Variants in TMEM38B observed in about 807,000 individuals in gnomAD.
The protein encoded by TMEM38B is trimeric intracellular cation channel type B.
Under a neutral mutation model 28.7 loss-of-function variants are expected in TMEM38B, and 24 were observed. That is an observed-to-expected ratio of 0.84 (90% CI 0.61 to 1.18). The LOEUF is 1.18. Ranked by LOEUF, TMEM38B falls within the 50% of genes most tolerant of loss-of-function variation. The pLI is 0.00. For synonymous variants in TMEM38B, 131 were observed against 127.7 expected (o/e 1.03, Z -0.17); for missense variants, 380 against 350.9 (o/e 1.08, Z -0.66).
intron 1 of TMEM38B, among the ~76,000 whole-genome samples, chr9:105,698,696 G>A (rs982860500): frequency 3.9e-5 from 6 of 151,950 alleles, no homozygotes; most frequent in South Asian, 2.1e-4. Flanking sequence ...TTATTTTATT[G>A]TGTGACCCTC....
chr9:105,725,810 G>C (rs1836487595), intron 4 of TMEM38B, among the ~76,000 whole-genome samples: 1 of 152,138 alleles, frequency 6.6e-6, no homozygotes, highest in Non-Finnish European at 1.5e-5. Context: ...TGCTCTCTGT[G>C]AGCCACTGAG....
At chr9:105,714,883 A>G (rs1348815821) in intron 2 of TMEM38B, among the ~76,000 whole-genome samples, 2 of 152,232 alleles carry the variant, frequency 1.3e-5, no homozygotes, top group Non-Finnish European at 2.9e-5. Context: ...TATTGGGTTG[A>G]TCATTATGTC....
chr9:105,772,392 C>G (rs1028432436), intron 5 of TMEM38B, among the ~76,000 whole-genome samples: 2 of 152,182 alleles, frequency 1.3e-5, no homozygotes, highest in Non-Finnish European at 2.9e-5. Flanking sequence ...CTTATCCCCC[C>G]TGGACTTCTG....
chr9:105,747,534 G>A (rs1397952908), intron 4 of TMEM38B, among the ~76,000 whole-genome samples: 11 of 152,110 alleles, frequency 7.2e-5, no homozygotes, highest in Non-Finnish European at 1.5e-4. Flanking sequence ...ACAGCTCCTG[G>A]ATTCATTGAT....
rs144375486 is a variant in TMEM38B, at chr9:105,699,311, T to C, written c.112+4539T>C. ...TATGCATTACTTAATTGGCAACTTT[T>C]TCCTATCCCCCCAGTGATTGATTCT... On this transcript the variant is annotated intron_variant, in intron 1 of 5. Transcript: ENST00000374692. Among the ~76,000 whole-genome samples the C allele has an allele frequency of 1.8e-3, 271 of 152,314 alleles. 1 individual carries two copies. The highest frequency in any genetic ancestry group is 6.2e-3 in the African/African-American group (256 of 41,580).
At chr9:105,702,872 G>A (rs1165932351) in intron 1 of TMEM38B, 2 of 152,002 alleles carry the variant, frequency 1.3e-5, no homozygotes, top group East Asian at 1.9e-4. Context: ...GGAGATGGGA[G>A]TCTTGCTATG....
chr9:105,739,554 G>T (rs183771237), intron 4 of TMEM38B, among the ~76,000 whole-genome samples: 168 of 152,140 alleles, frequency 1.1e-3, no homozygotes, highest in Admixed American at 9.2e-3. Context: ...TAGACAGAGT[G>T]TCACTCTGTC....
At chr9:105,763,511 A>G (rs1468414054) in intron 5 of TMEM38B, among the ~76,000 whole-genome samples, 6 of 152,070 alleles carry the variant, frequency 3.9e-5, no homozygotes. Context: ...CGACACATAC[A>G]CTCTCCCAAG....
At chr9:105,751,924 A>T (rs1447210426) in intron 5 of TMEM38B, among the ~76,000 whole-genome samples, 1 of 152,052 alleles carries the variant, frequency 6.6e-6, no homozygotes, top group Admixed American at 6.5e-5. Flanking sequence ...GAAGGGTTCT[A>T]TTGGGACGTA....
intron 1 of TMEM38B, among the ~76,000 whole-genome samples, chr9:105,702,391 GT>G (rs1835491532): frequency 6.6e-6 from 1 of 152,166 alleles, no homozygotes; most frequent in African/African-American, 2.4e-5. Context: ...AATGTCAACT[GT>G]TTTGAAAATA....
intron 4 of TMEM38B, among the ~76,000 whole-genome samples, chr9:105,735,868 TA>T (rs970380553): frequency 1.3e-5 from 2 of 152,140 alleles, no homozygotes; most frequent in South Asian, 2.1e-4. Context: ...TTTCATTTAT[TA>T]AAAAAAATTT....
At chr9:105,724,673 C>T (rs1836444614) in intron 4 of TMEM38B, among the ~76,000 whole-genome samples, 1 of 151,370 alleles carries the variant, frequency 6.6e-6, no homozygotes, top group African/African-American at 2.4e-5. Context: ...TGATGAAGTA[C>T]ATTTGTGTGA....
intron 5 of TMEM38B, among the ~76,000 whole-genome samples, chr9:105,765,973 T>A (rs1826358139): frequency 6.6e-6 from 1 of 152,046 alleles, no homozygotes; most frequent in African/African-American, 2.4e-5. Context: ...GGCTAATTTT[T>A]CATATTTTTA....
At chr9:105,751,613 T>C (rs1408533496) in intron 5 of TMEM38B, among the ~76,000 whole-genome samples, 1 of 152,196 alleles carries the variant, frequency 6.6e-6, no homozygotes, top group African/African-American at 2.4e-5. Context: ...TTCCATGGCA[T>C]CTCATAATTT....
At chr9:105,750,085 G>A (rs1013464014) in intron 5 of TMEM38B, among the ~76,000 whole-genome samples, 1 of 152,114 alleles carries the variant, frequency 6.6e-6, no homozygotes, top group Non-Finnish European at 1.5e-5. Context: ...TCTCACTGTG[G>A]TTTTGATGTA....
intron 4 of TMEM38B, among the ~76,000 whole-genome samples, chr9:105,727,777 A>G (rs1836569386): frequency 6.6e-6 from 1 of 151,906 alleles, no homozygotes; most frequent in South Asian, 2.1e-4. Context: ...GACTGGTGGG[A>G]GGTGATTGGA....
At chr9:105,715,475 A>G (rs1239829031) in intron 2 of TMEM38B, among the ~76,000 whole-genome samples, 1 of 152,046 alleles carries the variant, frequency 6.6e-6, no homozygotes, top group Non-Finnish European at 1.5e-5. Flanking sequence ...AGAAAGTAAT[A>G]CTAGTATTTG....
In TMEM38B at chr9:105,774,110, A is replaced by T. The variant is rs112442819; in HGVS notation, c.*30A>T. The stretch of plus-strand genomic sequence containing the variant: ...ACGTGATGAGCTCTACAAGGCCAAA[A>T]ATTTTTTTTCTTATCTACCTGTTAT... On this transcript the variant is annotated 3_prime_UTR_variant, in exon 6 of 6. Transcript: ENST00000374692. 1 of 1,598,426 alleles carries T rather than the reference A, an allele frequency of 6.3e-7. No individual in the cohort carries two copies. Among genetic ancestry groups the T allele is most frequent in the South Asian group, 1.1e-5 (1 of 89,190 alleles).
intron 4 of TMEM38B, among the ~76,000 whole-genome samples, chr9:105,729,089 A>C (rs1164552835): frequency 6.6e-6 from 1 of 152,098 alleles, no homozygotes; most frequent in Non-Finnish European, 1.5e-5. Context: ...GTTTAATTAG[A>C]TCCCATTTGT....
Sources: allele counts gnomAD v4.1 joint callset (sites outside exome capture counted in the v4.1 genomes callset), GRCh38; gene constraint gnomAD v4.1.1; transcripts MANE v1.5; gene names NCBI Gene and HGNC (gene_info 2026-07-23, HGNC 2026-07-21).